SPOCK1: variants seen among roughly 807,000 people sequenced by gnomAD.
SPOCK1 encodes testican-1.
SPOCK1 carries 23 observed loss-of-function variants against 55.3 expected under a neutral mutation model. That is an observed-to-expected ratio of 0.42 (90% CI 0.30 to 0.59). The LOEUF (loss-of-function observed/expected upper bound fraction) is 0.59. SPOCK1 is among the 20% of genes least tolerant of loss of function. SPOCK1 has a pLI of 0.22. For missense variants in SPOCK1, 499 were observed against 552.5 expected (o/e 0.90, Z 0.97); for synonymous variants, 226 against 221.0 (o/e 1.02, Z -0.20).
intron 3 of SPOCK1, among the ~76,000 whole-genome samples, chr5:137,160,491 C>G (rs1461650789): frequency 1.0e-5 from 1 of 96,396 alleles, no homozygotes; most frequent in Non-Finnish European, 2.0e-5. Flanking sequence ...GCAGCCAACA[C>G]CTGGGCTATA....
chr5:137,276,847 A>C (rs965421740), intron 2 of SPOCK1, among the ~76,000 whole-genome samples: 2 of 152,104 alleles, frequency 1.3e-5, no homozygotes, highest in East Asian at 3.9e-4. Flanking sequence ...CCCACCCCAC[A>C]TCTACTAATG....
intron 2 of SPOCK1, among the ~76,000 whole-genome samples, chr5:137,467,090 T>G (rs531514139): frequency 3.8e-4 from 58 of 152,374 alleles, no homozygotes; most frequent in Admixed American, 3.8e-3. Flanking sequence ...CCTTGCCACA[T>G]GGCCTAGGCC....
At chr5:137,099,455 C>T (rs145918194) in intron 5 of SPOCK1, among the ~76,000 whole-genome samples, 19 of 152,186 alleles carry the variant, frequency 1.2e-4, no homozygotes, top group African/African-American at 4.1e-4. Context: ...AATGAATGCA[C>T]GTTCTCTGTT....
At chr5:137,395,384 T>A (rs1241223402) in intron 2 of SPOCK1, among the ~76,000 whole-genome samples, 1 of 152,188 alleles carries the variant, frequency 6.6e-6, no homozygotes, top group Non-Finnish European at 1.5e-5. Flanking sequence ...ACATTTCTCT[T>A]CAGAAGGGAA....
At chr5:137,463,527 G>C (rs1186662581) in intron 2 of SPOCK1, among the ~76,000 whole-genome samples, 2 of 150,210 alleles carry the variant, frequency 1.3e-5, no homozygotes. Context: ...CAAGGGTAGT[G>C]GGGGGGTGTT....
At chr5:137,088,307 C>T (rs554277453) in intron 5 of SPOCK1, among the ~76,000 whole-genome samples, 26 of 152,310 alleles carry the variant, frequency 1.7e-4, no homozygotes, top group African/African-American at 3.8e-4. Context: ...GCATATTTGT[C>T]GGGTAAACCT....
intron 3 of SPOCK1, among the ~76,000 whole-genome samples, chr5:137,229,368 G>A (rs1418742348): frequency 6.6e-6 from 1 of 152,098 alleles, no homozygotes; most frequent in Non-Finnish European, 1.5e-5. Flanking sequence ...GCTAAAAGGG[G>A]GGCTGGTCTC....
chr5:137,115,961 A>G (rs1753569330), intron 4 of SPOCK1, among the ~76,000 whole-genome samples: 1 of 152,256 alleles, frequency 6.6e-6, no homozygotes, highest in Non-Finnish European at 1.5e-5. Context: ...AGTGAAATCC[A>G]ATGAAGGTAT....
At position 137,166,929 on chromosome 5, in the gene SPOCK1, G is replaced by A. The variant is rs73299812; in HGVS notation, c.233-26235C>T. On this transcript the variant is annotated intron_variant, in intron 3 of 10. Transcript: ENST00000394945. ...AGAAGGCTGGCCACAAAACAACCAG[G>A]AGGCAAATAGCAAAACGGCAAGAGG... Among the ~76,000 whole-genome samples, 495 of 152,016 alleles carry A rather than the reference G, an allele frequency of 3.3e-3. 3 individuals are homozygous for A. The highest frequency in any genetic ancestry group is 0.011 in the African/African-American group (464 of 41,516).
rs1347032994 is a variant in SPOCK1, at chr5:136,975,775, C to T, written c.*2879G>A. On this transcript the variant is annotated 3_prime_UTR_variant, in exon 11 of 11. Transcript: ENST00000394945. ...ATCTCCAACTCAGTATTAAGGTATTCTCATGCCTAGAATATTGGTAGAAAC... is the reference window on the plus strand; with the variant it reads ...ATCTCCAACTCAGTATTAAGGTATTTTCATGCCTAGAATATTGGTAGAAAC... 1.3e-5 allele frequency: 2 copies of T among 152,132 alleles called. No homozygotes were observed. Among genetic ancestry groups the T allele is most frequent in the Non-Finnish European group, 2.9e-5 (2 of 68,036 alleles). 9.4% of individuals were successfully genotyped at this position (152,132 alleles called of 1,614,324 possible).
intron 3 of SPOCK1, among the ~76,000 whole-genome samples, chr5:137,224,834 C>G (rs1373216896): frequency 6.6e-6 from 1 of 152,140 alleles, no homozygotes; most frequent in African/African-American, 2.4e-5. Flanking sequence ...GACAATTAGC[C>G]AGGCTCCTCC....
intron 3 of SPOCK1, among the ~76,000 whole-genome samples, chr5:137,160,232 ACT>A (rs2127050194): frequency 6.7e-6 from 1 of 149,988 alleles, no homozygotes; most frequent in African/African-American, 2.5e-5. Context: ...ATTCCTGAGT[ACT>A]TCACTTAGAA....
At chr5:137,497,105 A>G (rs947511452) in intron 2 of SPOCK1, among the ~76,000 whole-genome samples, 24 of 152,164 alleles carry the variant, frequency 1.6e-4, no homozygotes, top group African/African-American at 5.3e-4. Context: ...GGATTCATTC[A>G]ATGTCTCAAA....
intron 3 of SPOCK1, among the ~76,000 whole-genome samples, chr5:137,157,953 T>C (rs944890038): frequency 1.3e-5 from 2 of 152,190 alleles, no homozygotes; most frequent in Non-Finnish European, 1.5e-5. Context: ...TGCCACTTAC[T>C]TGGGAGGCTG....
intron 2 of SPOCK1, among the ~76,000 whole-genome samples, chr5:137,325,274 C>T (rs553608922): frequency 4.5e-4 from 69 of 152,280 alleles, no homozygotes; most frequent in African/African-American, 1.5e-3. Flanking sequence ...TATTTAAAAA[C>T]ATACCAGCCC....
At chr5:137,429,305 C>A (rs1425441624) in intron 2 of SPOCK1, among the ~76,000 whole-genome samples, 1 of 152,232 alleles carries the variant, frequency 6.6e-6, no homozygotes, top group African/African-American at 2.4e-5. Flanking sequence ...TACCCTTCAT[C>A]TCTGTTTAAG....
At chr5:137,319,345 G>A (rs1757938238) in intron 2 of SPOCK1, among the ~76,000 whole-genome samples, 1 of 152,174 alleles carries the variant, frequency 6.6e-6, no homozygotes, top group Non-Finnish European at 1.5e-5. Context: ...GCTAGCTTTA[G>A]GTGAAAGATC....
chr5:137,096,370 T>C (rs1362536163), intron 5 of SPOCK1, among the ~76,000 whole-genome samples: 1 of 151,612 alleles, frequency 6.6e-6, no homozygotes, highest in Non-Finnish European at 1.5e-5. Flanking sequence ...TGGGAGATGG[T>C]ACCATGCAGA....
chr5:137,245,791 A>C (rs1435574505), intron 3 of SPOCK1, among the ~76,000 whole-genome samples: 1 of 148,272 alleles, frequency 6.7e-6, no homozygotes, highest in East Asian at 1.9e-4. Flanking sequence ...AAAAAACAAA[A>C]AAAAAAACTG....
Sources: gnomAD v4.1 joint callset for allele counts (sites outside exome capture counted in the v4.1 genomes callset) on GRCh38, gnomAD v4.1.1 for gene constraint, MANE v1.5 for transcripts, NCBI Gene and HGNC (gene_info 2026-07-23, HGNC 2026-07-21) for gene names.